The following CDH18 variants were observed in gnomAD, a reference collection of about 807,000 sequenced individuals.
CDH18 encodes the protein cadherin-18.
Under a neutral mutation model 67.9 loss-of-function variants are expected in CDH18, and 31 were observed. The ratio of observed to expected loss-of-function variants is 0.46; its 90% CI spans 0.34 to 0.62. The LOEUF (loss-of-function observed/expected upper bound fraction) is 0.62. Among genes scored for constraint, CDH18 ranks in the 20% least tolerant of loss-of-function variants. The pLI, the probability that CDH18 is intolerant of heterozygous loss-of-function variation, is 0.01. For synonymous variants in CDH18, 362 were observed against 347.2 expected (o/e 1.04, Z -0.48); for missense variants, 890 against 975.5 (o/e 0.91, Z 1.17).
At chr5:19,798,337 T>A (rs1454033849) in intron 3 of CDH18, among the ~76,000 whole-genome samples, 1 of 151,996 alleles carries the variant, frequency 6.6e-6, no homozygotes, top group Admixed American at 6.6e-5. Context: ...GCAAAGGATG[T>A]CTCCGTATTA....
At chr5:19,986,513 T>A (rs576435977) in intron 1 of CDH18, among the ~76,000 whole-genome samples, 4 of 152,344 alleles carry the variant, frequency 2.6e-5, no homozygotes, top group South Asian at 4.1e-4. Flanking sequence ...GTTGGTTTTT[T>A]AAGTTGGCTA....
intron 12 of CDH18, among the ~76,000 whole-genome samples, chr5:19,475,304 A>G (rs1314473742): frequency 6.6e-6 from 1 of 151,792 alleles, no homozygotes; most frequent in East Asian, 1.9e-4. Context: ...TTTGATACAC[A>G]TAATTTAGTA....
At chr5:20,236,493 A>G (rs1742485951) in intron 2 of CDH18, among the ~76,000 whole-genome samples, 1 of 151,940 alleles carries the variant, frequency 6.6e-6, no homozygotes. Context: ...CAAATTGCCA[A>G]TATCAAGAAT....
At position 20,393,027 on chromosome 5, in the gene CDH18, T is replaced by C. The variant is rs149311461; in HGVS notation, c.-579-137522A>G. Among the ~76,000 whole-genome samples, 125 of 151,986 alleles carry C rather than the reference T, an allele frequency of 8.2e-4. 1 individual carries two copies. Among genetic ancestry groups the C allele is most frequent in the African/African-American group, 3.0e-3 (124 of 41,536 alleles). On this transcript the variant is annotated intron_variant, in intron 1 of 14. Coordinates refer to the CDH18 transcript ENST00000507958. ...TGATTATTATCCAGAATGATATTCA[T>C]ACAATAAGGACTTACTGAAAAATCT...
chr5:20,246,219 T>C (rs1464599737), intron 2 of CDH18, among the ~76,000 whole-genome samples: 1 of 152,214 alleles, frequency 6.6e-6, no homozygotes, highest in Non-Finnish European at 1.5e-5. Context: ...ACAGAGGCCA[T>C]GCTATTCTTT....
chr5:20,372,532 TA>T (rs1743086826), intron 1 of CDH18, among the ~76,000 whole-genome samples: 1 of 152,122 alleles, frequency 6.6e-6, no homozygotes, highest in Non-Finnish European at 1.5e-5. Context: ...TAAACGAAAT[TA>T]TCATGTATGT....
intron 5 of CDH18, among the ~76,000 whole-genome samples, chr5:19,621,527 C>T (rs1750697494): frequency 6.6e-6 from 1 of 152,078 alleles, no homozygotes; most frequent in Non-Finnish European, 1.5e-5. Flanking sequence ...ATGTTCACTG[C>T]TGCATGAACC....
At chr5:20,062,991 CTT>C (rs5866413) in intron 2 of CDH18, among the ~76,000 whole-genome samples, 3 of 139,106 alleles carry the variant, frequency 2.2e-5, no homozygotes, top group Admixed American at 7.3e-5. Flanking sequence ...TTTTTTCTTT[CTT>C]TTTTTTTTTT....
intron 4 of CDH18, among the ~76,000 whole-genome samples, chr5:19,727,341 A>G (rs886855967): frequency 1.3e-5 from 2 of 152,190 alleles, no homozygotes; most frequent in African/African-American, 4.8e-5. Context: ...ATCCTTATAA[A>G]AATGAAAAAT....
At chr5:19,580,326 C>A (rs1355049771) in intron 7 of CDH18, among the ~76,000 whole-genome samples, 1 of 151,840 alleles carries the variant, frequency 6.6e-6, no homozygotes, top group Non-Finnish European at 1.5e-5. Flanking sequence ...TTTCTAAACT[C>A]ATAACAATTA....
intron 2 of CDH18, among the ~76,000 whole-genome samples, chr5:20,004,719 G>A (rs192161928): frequency 2.5e-3 from 378 of 152,310 alleles, no homozygotes; most frequent in Non-Finnish European, 3.8e-3. Context: ...CAGAATGGCT[G>A]TACTACAGAA....
intron 5 of CDH18, among the ~76,000 whole-genome samples, chr5:19,681,833 T>C (rs138292095): frequency 6.6e-6 from 1 of 152,162 alleles, no homozygotes; most frequent in African/African-American, 2.4e-5. Context: ...AAAAAATCTC[T>C]GTGGTCATCA....
In CDH18 at chr5:19,647,527, C is replaced by CAAAAAAAAAAAA. The variant is rs3062888; in HGVS notation, c.644-34938_644-34927dup. Among the ~76,000 whole-genome samples, 18 of 28,810 alleles carry CAAAAAAAAAAAA rather than the reference C, an allele frequency of 6.2e-4. 1 individual carries two copies. The highest frequency in any genetic ancestry group is 1.7e-3 in the African/African-American group (13 of 7,486). The allele number at this position is 28,810 out of a possible 152,430, so 18.9% of individuals were successfully genotyped here. A position where few individuals can be genotyped will look rare whatever the true frequency, so the allele number is the denominator to read the frequency against. Reference sequence around the variant, plus strand: ...CCCAGGTGACAGAGCGAGACTCCATCAAAAAAAAAAAAAAAAAAAAAAAAA... The same window carrying CAAAAAAAAAAAA: ...CCCAGGTGACAGAGCGAGACTCCATCAAAAAAAAAAAAAAAAAAAAAAAAAAAAAAAAAAAAA... On this transcript the variant is annotated intron_variant, in intron 5 of 12. Transcript: ENST00000382275.
At chr5:19,809,338 C>T (rs370531699) in intron 3 of CDH18, among the ~76,000 whole-genome samples, 11 of 152,070 alleles carry the variant, frequency 7.2e-5, no homozygotes, top group Admixed American at 2.0e-4. Flanking sequence ...TTTACACCTC[C>T]TGAAGACTAG....
At chr5:19,556,372 T>A (rs431436) in intron 8 of CDH18, among the ~76,000 whole-genome samples, 15,042 of 151,836 alleles carry the variant, frequency 0.099, 1,027 homozygotes, top group African/African-American at 0.19. Flanking sequence ...AAATCCAAAA[T>A]AATGATACAG....
intron 1 of CDH18, among the ~76,000 whole-genome samples, chr5:20,436,258 T>C (rs1454363751): frequency 2.0e-5 from 3 of 151,992 alleles, no homozygotes; most frequent in Non-Finnish European, 4.4e-5. Context: ...ATTGGGTCCA[T>C]TGATTGTTCC....
chr5:20,547,931 C>T lies in CDH18; in HGVS notation c.-580+27531G>A, dbSNP rs141958055. Among the ~76,000 whole-genome samples, 734 of 151,802 alleles carry T rather than the reference C, an allele frequency of 4.8e-3. 13 individuals carry two copies. Among genetic ancestry groups the T allele is most frequent in the African/African-American group, 0.017 (695 of 41,446 alleles). On this transcript the variant is annotated intron_variant, in intron 1 of 14. Transcript: ENST00000507958. ...TATAAAATATAAAATAAGAAAAAAG[C>T]TCTCAGTTTGAATATAGGTATTAAA...
intron 4 of CDH18, among the ~76,000 whole-genome samples, chr5:19,733,547 C>T (rs1235799132): frequency 6.6e-6 from 1 of 152,022 alleles, no homozygotes; most frequent in Non-Finnish European, 1.5e-5. Context: ...TGACCTCATT[C>T]TTCTTGGATG....
chr5:20,110,392 C>T (rs910023342), intron 2 of CDH18, among the ~76,000 whole-genome samples: 4 of 152,100 alleles, frequency 2.6e-5, no homozygotes, highest in Non-Finnish European at 4.4e-5. Context: ...TTTGAAAATA[C>T]CAAATGTGTG....
Sources: allele counts gnomAD v4.1 joint callset (sites outside exome capture counted in the v4.1 genomes callset), GRCh38; gene constraint gnomAD v4.1.1; transcripts MANE v1.5; gene names NCBI Gene and HGNC (gene_info 2026-07-23, HGNC 2026-07-21).